The following KCNIP4 variants were observed in gnomAD, a reference collection of about 807,000 sequenced individuals.
KCNIP4 encodes Kv channel-interacting protein 4.
Under a neutral mutation model 34.0 loss-of-function variants are expected in KCNIP4, and 12 were observed. That is an observed-to-expected ratio of 0.35 (90% confidence interval 0.23 to 0.57). The LOEUF (loss-of-function observed/expected upper bound fraction) is 0.57. KCNIP4 is among the 20% of genes least tolerant of loss of function. KCNIP4 has a pLI of 0.83. For missense variants in KCNIP4, 238 were observed against 311.7 expected (o/e 0.76, Z 1.78); for synonymous variants, 124 against 102.2 (o/e 1.21, Z -1.29).
At chr4:20,958,431 T>C (rs1196668276) in intron 1 of KCNIP4, among the ~76,000 whole-genome samples, 1 of 152,184 alleles carries the variant, frequency 6.6e-6, no homozygotes, top group African/African-American at 2.4e-5. Flanking sequence ...CTTCAACCTG[T>C]GGAGTTTGGA....
chr4:21,786,169 G>A (rs375146851), intron 1 of KCNIP4, among the ~76,000 whole-genome samples: 2 of 152,106 alleles, frequency 1.3e-5, no homozygotes, highest in African/African-American at 4.8e-5. Context: ...GGATGGTCTC[G>A]ATCTGTTGAC....
At chr4:21,102,153 C>T (rs1748003091) in intron 1 of KCNIP4, among the ~76,000 whole-genome samples, 1 of 152,154 alleles carries the variant, frequency 6.6e-6, no homozygotes, top group Non-Finnish European at 1.5e-5. Flanking sequence ...TAGTGATTCT[C>T]TTTCAACTAT....
At chr4:21,523,439 T>A (rs1735710339) in intron 1 of KCNIP4, among the ~76,000 whole-genome samples, 1 of 152,160 alleles carries the variant, frequency 6.6e-6, no homozygotes, top group Admixed American at 6.6e-5. Flanking sequence ...CCAGGTTAAA[T>A]GTAAATATGC....
chr4:21,156,122 T>TG (rs369754849), intron 1 of KCNIP4, among the ~76,000 whole-genome samples: 99 of 152,296 alleles, frequency 6.5e-4, no homozygotes, highest in Admixed American at 3.2e-3. Flanking sequence ...TTTAAGAGCA[T>TG]GGTATTTGAC....
chr4:20,778,411 A>T (rs1185425299), intron 3 of KCNIP4, among the ~76,000 whole-genome samples: 1 of 152,212 alleles, frequency 6.6e-6, no homozygotes, highest in Non-Finnish European at 1.5e-5. Flanking sequence ...CAATTCATAG[A>T]TGTCAAGATT....
chr4:20,961,935 T>C (rs1250781288), intron 1 of KCNIP4, among the ~76,000 whole-genome samples: 1 of 152,216 alleles, frequency 6.6e-6, no homozygotes, highest in Non-Finnish European at 1.5e-5. Context: ...CTGGAGATTA[T>C]CAAGAGGTCA....
At chr4:21,693,794 T>G (rs1276157070) in intron 1 of KCNIP4, among the ~76,000 whole-genome samples, 1 of 152,182 alleles carries the variant, frequency 6.6e-6, no homozygotes, top group African/African-American at 2.4e-5. Context: ...TCACAAAATT[T>G]GAAATACTTT....
At chr4:21,115,489 C>T (rs1427250049) in intron 1 of KCNIP4, among the ~76,000 whole-genome samples, 7 of 152,156 alleles carry the variant, frequency 4.6e-5, no homozygotes, top group African/African-American at 7.2e-5. Flanking sequence ...ATTTCCTAGA[C>T]ACTTCATATT....
chr4:21,353,129 AC>A (rs1484467222), intron 1 of KCNIP4, among the ~76,000 whole-genome samples: 1 of 152,068 alleles, frequency 6.6e-6, no homozygotes, highest in African/African-American at 2.4e-5. Context: ...TCCAACCAAA[AC>A]CCCATCTGTA....
At chr4:21,479,104 G>T (rs1731220557) in intron 1 of KCNIP4, among the ~76,000 whole-genome samples, 1 of 151,960 alleles carries the variant, frequency 6.6e-6, no homozygotes, top group African/African-American at 2.4e-5. Context: ...CTAGACCTCT[G>T]GGCTTATATG....
At chr4:21,729,084 A>G (rs976789871) in intron 1 of KCNIP4, among the ~76,000 whole-genome samples, 4 of 152,162 alleles carry the variant, frequency 2.6e-5, no homozygotes, top group African/African-American at 9.6e-5. Context: ...CCTAAACTCC[A>G]TGATGCACAG....
intron 1 of KCNIP4, among the ~76,000 whole-genome samples, chr4:21,224,311 A>G (rs1758196995): frequency 6.6e-6 from 1 of 152,028 alleles, no homozygotes; most frequent in African/African-American, 2.4e-5. Context: ...GTAGACAGCC[A>G]TCTTCTTGCA....
chr4:21,523,204 G>T (rs1735691858), intron 1 of KCNIP4, among the ~76,000 whole-genome samples: 1 of 151,978 alleles, frequency 6.6e-6, no homozygotes, highest in Admixed American at 6.6e-5. Context: ...TATTTATAAG[G>T]TACCAAGCTT....
At chr4:20,896,777 A>G (rs1726578805) in intron 1 of KCNIP4, among the ~76,000 whole-genome samples, 1 of 152,164 alleles carries the variant, frequency 6.6e-6, no homozygotes, top group African/African-American at 2.4e-5. Context: ...TAATACACAC[A>G]TCAGTTAACA....
At chr4:21,179,317 C>G (rs1361175574) in intron 1 of KCNIP4, among the ~76,000 whole-genome samples, 1 of 152,188 alleles carries the variant, frequency 6.6e-6, no homozygotes, top group Non-Finnish European at 1.5e-5. Context: ...CCCTCAGCTT[C>G]AAACATTGAG....
Position 20,840,481 on chromosome 4 carries a change from G to T in KCNIP4, c.288+10062C>A, listed in dbSNP as rs147213857. Among the ~76,000 whole-genome samples, 201 of 152,152 alleles carry T rather than the reference G, an allele frequency of 1.3e-3. 1 individual carries two copies. The highest frequency in any genetic ancestry group is 6.8e-3 in the Middle Eastern group (2 of 294). On this transcript the variant is annotated intron_variant, in intron 3 of 8. Transcript: ENST00000382152. ...CTCAGCCTCTCTTGAAATCAAGTTGGACCATATGACTGAGCTCTGATGGGT... is the reference window on the plus strand; with the variant it reads ...CTCAGCCTCTCTTGAAATCAAGTTGTACCATATGACTGAGCTCTGATGGGT...
At chr4:21,342,313 G>A (rs1716836311) in intron 1 of KCNIP4, among the ~76,000 whole-genome samples, 2 of 152,070 alleles carry the variant, frequency 1.3e-5, no homozygotes, top group Admixed American at 6.6e-5. Context: ...CATCCCCTAG[G>A]GGTAAAATAA....
chr4:21,361,597 G>T (rs1239952760), intron 1 of KCNIP4, among the ~76,000 whole-genome samples: 2 of 151,720 alleles, frequency 1.3e-5, no homozygotes, highest in Non-Finnish European at 2.9e-5. Context: ...GGAACAAGTG[G>T]TTCTCTAGCT....
At chr4:21,123,994 T>C (rs1433481) in intron 1 of KCNIP4, among the ~76,000 whole-genome samples, 78,266 of 150,806 alleles carry the variant, frequency 0.52, 21,528 homozygotes, top group African/African-American at 0.71. Flanking sequence ...TTTGTTACAG[T>C]AGCCCAAGCT....
Sources: allele counts gnomAD v4.1 joint callset (sites outside exome capture counted in the v4.1 genomes callset), GRCh38; gene constraint gnomAD v4.1.1; transcripts MANE v1.5; gene names NCBI Gene and HGNC (gene_info 2026-07-23, HGNC 2026-07-21).